Variants in DLGAP2 observed in about 807,000 individuals in gnomAD.
DLGAP2 encodes the protein DLG associated protein 2, also known as disks large-associated protein 2.
In DLGAP2, 26 loss-of-function variants were observed where a neutral mutation model predicts 100.3. The observed-to-expected ratio is 0.26, with a 90% confidence interval of 0.19 to 0.36. The LOEUF (loss-of-function observed/expected upper bound fraction) is 0.36, where lower values mean the gene tolerates loss of function less well. Ranked by LOEUF, DLGAP2 falls within the 10% of genes least tolerant of loss-of-function variation. The probability of loss-of-function intolerance (pLI) is 1.00; values close to 1 mark genes in which losing one functional copy is unlikely to be tolerated. For synonymous variants in DLGAP2, 886 were observed against 630.1 expected (o/e 1.41, Z -6.08); for missense variants, 1,858 against 1,453.2 (o/e 1.28, Z -4.53).
chr8:1,369,104 C>A (rs1292157323), intron 3 of DLGAP2: 1 of 152,182 alleles, frequency 6.6e-6, no homozygotes, highest in Non-Finnish European at 1.5e-5. Context: ...ATGCAGAACC[C>A]TAAATCCACA....
chr8:1,249,594 C>G lies in DLGAP2; in HGVS notation c.74-9257C>G, dbSNP rs537155049. On this transcript the variant is annotated intron_variant, in intron 2 of 14. Coordinates refer to ENST00000637795, the MANE Select transcript of DLGAP2 (RefSeq NM_001346810.2). ...ACTGAATGGCTGACCACAGGCAAAT[C>G]ACTTCATTTCTTTGGGCTTCTTTTT... Among the ~76,000 whole-genome samples the G allele has an allele frequency of 4.6e-5, 7 of 152,272 alleles. No homozygotes were observed. The South Asian group carries it at 1.5e-3, about 32-fold the overall frequency.
At chr8:1,627,553 A>C (rs1189008024) in intron 7 of DLGAP2, among the ~76,000 whole-genome samples, 1 of 152,264 alleles carries the variant, frequency 6.6e-6, no homozygotes, top group East Asian at 1.9e-4. Flanking sequence ...ATGGCAAAGA[A>C]GAATCGAAAG....
intron 2 of DLGAP2, among the ~76,000 whole-genome samples, chr8:1,116,420 C>T (rs145614204): frequency 1.1e-4 from 17 of 152,314 alleles, no homozygotes; most frequent in Non-Finnish European, 2.4e-4. Flanking sequence ...GATAACCTTA[C>T]AAGAGGCATT....
intron 3 of DLGAP2, among the ~76,000 whole-genome samples, chr8:1,303,427 A>AG (rs1800412390): frequency 6.7e-6 from 1 of 149,616 alleles, no homozygotes; most frequent in Non-Finnish European, 1.5e-5. Context: ...AAAAAAAAAA[A>AG]GGAAGGAGAA....
chr8:1,477,641 C>T (rs1173169249), intron 3 of DLGAP2, among the ~76,000 whole-genome samples: 1 of 152,160 alleles, frequency 6.6e-6, no homozygotes, highest in Admixed American at 6.5e-5. Context: ...CTCCTTCTGC[C>T]CATCTGCACC....
chr8:1,691,424 C>A, intron 12 of DLGAP2, 111 bp from the exon 13 acceptor site: 1 of 873,100 alleles, frequency 1.1e-6, no homozygotes, highest in Non-Finnish European at 1.8e-6. Flanking sequence ...ATGAAGTCGT[C>A]AGTTTTCATC....
At chr8:1,502,376 A>T (rs528943201) in intron 4 of DLGAP2, among the ~76,000 whole-genome samples, 12 of 152,370 alleles carry the variant, frequency 7.9e-5, no homozygotes, top group African/African-American at 2.6e-4. Context: ...ATAATATCGA[A>T]AATTGAAGGA....
At chr8:802,177 ATGG>A (rs1796179401) in intron 1 of DLGAP2, among the ~76,000 whole-genome samples, 4 of 147,914 alleles carry the variant, frequency 2.7e-5, no homozygotes, top group East Asian at 2.1e-4. Context: ...CTCTGTCCTC[ATGG>A]CCTGGGGAAT....
chr8:761,048 G>A (rs1378631180), intron 1 of DLGAP2, among the ~76,000 whole-genome samples: 1 of 152,318 alleles, frequency 6.6e-6, no homozygotes, highest in Middle Eastern at 3.4e-3. Context: ...GGCTAGCATC[G>A]AGTGTTTGCC....
At chr8:1,684,570 C>G (rs931981362) in intron 12 of DLGAP2, among the ~76,000 whole-genome samples, 4 of 152,196 alleles carry the variant, frequency 2.6e-5, no homozygotes, top group South Asian at 2.1e-4. Context: ...GTTCCCCGAA[C>G]TGATTGAATG....
chr8:1,340,342 C>G (rs1360834317), intron 3 of DLGAP2, among the ~76,000 whole-genome samples: 1 of 152,130 alleles, frequency 6.6e-6, no homozygotes, highest in Admixed American at 6.5e-5. Flanking sequence ...ATGCATCCCA[C>G]AAAGGTCTAA....
At chr8:808,608 C>A (rs903040146) in intron 1 of DLGAP2, among the ~76,000 whole-genome samples, 1 of 152,094 alleles carries the variant, frequency 6.6e-6, no homozygotes, top group Non-Finnish European at 1.5e-5. Flanking sequence ...GCACCCAGGG[C>A]GGAGCCTGTG....
chr8:1,139,904 G>A lies in DLGAP2; in HGVS notation c.74-118947G>A, dbSNP rs900690899. On this transcript the variant is annotated intron_variant, in intron 2 of 14. Transcript: ENST00000637795. ...GGTGAGGGAAATCGGGGGGAAGTGA[G>A]GGGATTTCCCTGAGGTCACACGGCT... Among the ~76,000 whole-genome samples, 43 of 152,292 alleles carry A rather than the reference G, an allele frequency of 2.8e-4. 1 individual carries two copies. The highest frequency in any genetic ancestry group is 9.9e-4 in the African/African-American group (41 of 41,560).
chr8:1,234,463 G>A (rs192305060), intron 2 of DLGAP2, among the ~76,000 whole-genome samples: 1 of 152,166 alleles, frequency 6.6e-6, no homozygotes, highest in East Asian at 1.9e-4. Context: ...AAGGACACTA[G>A]TAATACTGAA....
In DLGAP2 at chr8:1,419,554, A is replaced by G. The variant is rs188121138; in HGVS notation, c.107-81812A>G. Among the ~76,000 whole-genome samples the G allele has an allele frequency of 9.3e-4, 142 of 152,170 alleles. 2 individuals are homozygous for G. The highest frequency in any genetic ancestry group is 3.3e-3 in the African/African-American group (135 of 41,464). Reference sequence around the variant, plus strand: ...TACATATCTGTGGATCTTGTGTTACATGTTGATACGTGTACATAATGTATA... The same window carrying G: ...TACATATCTGTGGATCTTGTGTTACGTGTTGATACGTGTACATAATGTATA... On this transcript the variant is annotated intron_variant, in intron 3 of 14. Transcript: ENST00000637795.
At chr8:1,433,542 C>G (rs73172542) in intron 3 of DLGAP2, among the ~76,000 whole-genome samples, 32,388 of 152,180 alleles carry the variant, frequency 0.21, 3,860 homozygotes, top group Middle Eastern at 0.29. Context: ...AGTAGGTCCT[C>G]GAGCTGGATG....
At chr8:1,322,904 C>T (rs1008251620) in intron 3 of DLGAP2, among the ~76,000 whole-genome samples, 3 of 152,138 alleles carry the variant, frequency 2.0e-5, no homozygotes, top group Non-Finnish European at 4.4e-5. Flanking sequence ...GTACTATTAT[C>T]GGAGTGTCTG....
Position 1,351,730 on chromosome 8 carries a change from T to C in DLGAP2, c.106+92847T>C, listed in dbSNP as rs375933745. 4.5e-4 allele frequency among the ~76,000 whole-genome samples: 20 copies of C among 43,974 alleles called. 1 individual carries two copies. Among genetic ancestry groups the C allele is most frequent in the African/African-American group, 6.5e-4 (9 of 13,802 alleles). The allele number at this position is 43,974 out of a possible 152,430, so 28.8% of individuals were successfully genotyped here. On this transcript the variant is annotated intron_variant, in intron 3 of 14. Coordinates refer to ENST00000637795, the MANE Select transcript of DLGAP2 (RefSeq NM_001346810.2). ...AAAGGCCATGCGGGTCCTGAGTGTG[T>C]GTGGAAAGGCCGTGCGGGTCCTGAC...
chr8:811,790 C>T (rs1796375272), intron 1 of DLGAP2, among the ~76,000 whole-genome samples: 1 of 152,270 alleles, frequency 6.6e-6, no homozygotes, highest in East Asian at 1.9e-4. Context: ...CACCAGCTTT[C>T]AGATGAAGCT....
Sources: allele counts gnomAD v4.1 joint callset (sites outside exome capture counted in the v4.1 genomes callset), GRCh38; gene constraint gnomAD v4.1.1; transcripts MANE v1.5; gene names NCBI Gene and HGNC (gene_info 2026-07-23, HGNC 2026-07-21).